Variants in SERGEF observed in about 807,000 individuals in gnomAD.
SERGEF encodes secretion regulating guanine nucleotide exchange factor, also known as secretion-regulating guanine nucleotide exchange factor.
In SERGEF, 51 loss-of-function variants were observed where a neutral mutation model predicts 50.0. The ratio of observed to expected loss-of-function variants is 1.02; its 90% CI spans 0.81 to 1.29. The LOEUF (loss-of-function observed/expected upper bound fraction) is 1.29. SERGEF is among the 50% of genes most tolerant of loss of function. The pLI is 0.00. For synonymous variants in SERGEF, 205 were observed against 212.4 expected (o/e 0.97, Z 0.30); for missense variants, 521 against 557.0 (o/e 0.94, Z 0.65).
intron 9 of SERGEF, among the ~76,000 whole-genome samples, chr11:17,922,251 C>T (rs921002366): frequency 2.6e-5 from 4 of 152,272 alleles, no homozygotes; most frequent in Middle Eastern, 3.4e-3. Context: ...AATTATTAAA[C>T]GAGCCCAAAT....
intron 8 of SERGEF, among the ~76,000 whole-genome samples, chr11:17,987,868 T>C (rs916458711): frequency 4.5e-4 from 68 of 152,168 alleles, no homozygotes; most frequent in African/African-American, 1.6e-3. Context: ...CAGAATACTT[T>C]GACATGATAA....
intron 9 of SERGEF, among the ~76,000 whole-genome samples, chr11:17,944,980 T>A (rs571244742): frequency 6.6e-6 from 1 of 152,360 alleles, no homozygotes; most frequent in Admixed American, 6.5e-5. Flanking sequence ...ATGCTTGCCA[T>A]ATCAGTGATA....
chr11:17,839,577 C>T (rs1266671957), intron 10 of SERGEF, among the ~76,000 whole-genome samples: 2 of 152,104 alleles, frequency 1.3e-5, no homozygotes, highest in African/African-American at 4.8e-5. Flanking sequence ...AAAAGGACAG[C>T]GTGTCCCAGC....
intron 9 of SERGEF, among the ~76,000 whole-genome samples, chr11:17,909,716 T>C (rs1851913189): frequency 6.6e-6 from 1 of 152,216 alleles, no homozygotes; most frequent in Non-Finnish European, 1.5e-5. Context: ...ATCCTGGATA[T>C]ATCTCTCAAA....
In SERGEF at chr11:18,012,975, G is replaced by C. The variant is rs1283995192; in HGVS notation, c.36C>G (p.Pro12=). The part of the protein sequence containing the change: ...EREPSASEAA[P]AAAALFAWGA... Reference sequence around the variant, plus strand: ...CCCAGGCGAAGAGCGCGGCCGCCGCGGGGGCGGCCTCCGAGGCGCTGGGCT... The same window carrying C: ...CCCAGGCGAAGAGCGCGGCCGCCGCCGGGGCGGCCTCCGAGGCGCTGGGCT... The change falls in exon 1 of 11, where the codon CCC becomes CCG. Residue 12 remains proline, a synonymous_variant. Coordinates refer to ENST00000265965, the MANE Select transcript of SERGEF (RefSeq NM_012139.4). The C allele has an allele frequency of 2.0e-6, 3 of 1,471,794 alleles. No homozygotes were observed. Among genetic ancestry groups the C allele is most frequent in the Non-Finnish European group, 8.9e-7 (1 of 1,121,040 alleles). The allele number at this position is 1,471,794 out of a possible 1,614,324, so 91.2% of individuals were successfully genotyped here.
chr11:17,792,585 C>T (rs1470281321), intron 10 of SERGEF, among the ~76,000 whole-genome samples: 5 of 152,196 alleles, frequency 3.3e-5, no homozygotes, highest in Non-Finnish European at 7.3e-5. Context: ...CCCACTGGGT[C>T]GAGAAGCCTG....
rs78685593 is a variant in SERGEF, at chr11:17,936,670, C to G, written c.1011+22800G>C. ...ACGTGGCTCCAGCCAAGGAAACCAA[C>G]AGGCATTTCACAGAGAGACTCACAG... On this transcript the variant is annotated intron_variant, in intron 9 of 10. Transcript: ENST00000265965. Among the ~76,000 whole-genome samples, 760 of 152,252 alleles carry G rather than the reference C, an allele frequency of 5.0e-3. 5 individuals are homozygous for G. Among genetic ancestry groups the G allele is most frequent in the African/African-American group, 0.018 (728 of 41,546 alleles).
At chr11:17,788,602 C>T in intron 10 of SERGEF, among the ~76,000 whole-genome samples, 189 bp from the exon 11 acceptor site, 1 of 152,156 alleles carries the variant, frequency 6.6e-6, no homozygotes, top group Non-Finnish European at 1.5e-5. Context: ...GCCCTCCTGC[C>T]CCTGAGGCAT....
chr11:17,980,292 C>T (rs1447262753), intron 8 of SERGEF, among the ~76,000 whole-genome samples: 2 of 152,118 alleles, frequency 1.3e-5, no homozygotes, highest in African/African-American at 2.4e-5. Context: ...GACTCATGAC[C>T]GAGCCAAAAA....
intron 10 of SERGEF, chr11:17,863,601 G>T (rs1346007302): frequency 6.6e-6 from 1 of 151,848 alleles, no homozygotes; most frequent in Non-Finnish European, 1.5e-5. Flanking sequence ...ATCATGGTCT[G>T]CTTTGTATTC....
intron 10 of SERGEF, among the ~76,000 whole-genome samples, chr11:17,788,894 C>T (rs1411234198): frequency 6.6e-6 from 1 of 152,200 alleles, no homozygotes; most frequent in East Asian, 1.9e-4. Context: ...AGACAATCTT[C>T]GACAACTGCA....
chr11:17,959,610 G>C lies in SERGEF; in HGVS notation c.871C>G (p.Arg291Gly). 1 of 1,612,664 alleles carries C rather than the reference G, an allele frequency of 6.2e-7. No individual in the cohort carries two copies. ...CTCCCTAGCTGACCATAGTCTGCTC[G>C]GCCCCAGGTAAACATCTTGCCAGTT... ...TETGKMFTWG[R>G]ADYGQLGRKL... Residue 291 changes from arginine to glycine, a missense_variant, in exon 9 of 11, where the codon CGA becomes GGA. Physicochemically the swap from Arg to Gly is moderately radical, Grantham distance 125. Transcript: ENST00000265965.
intron 8 of SERGEF, among the ~76,000 whole-genome samples, chr11:17,962,989 C>G (rs541927806): frequency 6.6e-6 from 1 of 152,020 alleles, no homozygotes; most frequent in East Asian, 1.9e-4. Flanking sequence ...TGAGACCAGC[C>G]TGACCAACAT....
chr11:17,912,027 G>GT (rs1190855310), intron 9 of SERGEF, among the ~76,000 whole-genome samples: 2 of 152,150 alleles, frequency 1.3e-5, no homozygotes, highest in Non-Finnish European at 2.9e-5. Context: ...GAGGGGCTTG[G>GT]TAAGTGGAGG....
chr11:18,012,923 GCAC>G (rs1854229750), intron 1 of SERGEF, 25 bp downstream of exon 1: 1 of 1,523,206 alleles, frequency 6.6e-7, no homozygotes, highest in Admixed American at 2.0e-5. Context: ...CTCAGGGCCT[GCAC>G]CGGCCCGGGG....
chr11:17,788,410 C>A lies in SERGEF; in HGVS notation c.1052G>T (p.Gly351Val), dbSNP rs1310123815. The stretch of plus-strand genomic sequence containing the variant: ...ATTCCAGCCCCAAGAGTAACACACT[C>A]CACCTGTGAAGGAGAGGGAAGACTG... Reference protein sequence around the residue: ...GSEHNLAIIGGVCYSWGWNEH... With the variant: ...GSEHNLAIIGVVCYSWGWNEH... The change falls in exon 11 of 11, where the codon GGA (glycine) becomes GTA (valine). Residue 351 changes from glycine to valine, a missense_variant. Physicochemically the swap from Gly to Val is moderately radical, Grantham distance 109. Coordinates refer to ENST00000265965, the MANE Select transcript of SERGEF (RefSeq NM_012139.4). 6.2e-7 allele frequency: 1 copy of A among 1,600,188 alleles called. No individual in the cohort carries two copies. The highest frequency in any genetic ancestry group is 8.5e-7 in the Non-Finnish European group (1 of 1,169,802).
chr11:17,862,989 C>T (rs1850953503), intron 10 of SERGEF, among the ~76,000 whole-genome samples: 1 of 152,200 alleles, frequency 6.6e-6, no homozygotes, highest in African/African-American at 2.4e-5. Flanking sequence ...ATTAAAAGTT[C>T]AGTTTATGCT....
intron 10 of SERGEF, among the ~76,000 whole-genome samples, chr11:17,864,693 GCTA>G (rs1387369038): frequency 6.6e-6 from 1 of 152,168 alleles, no homozygotes; most frequent in Non-Finnish European, 1.5e-5. Context: ...AACCAAGAGA[GCTA>G]AAAAACTGTT....
chr11:17,828,907 G>A (rs997015772), intron 10 of SERGEF, among the ~76,000 whole-genome samples: 25 of 152,118 alleles, frequency 1.6e-4, no homozygotes, highest in South Asian at 1.0e-3. Context: ...ATGGGAACAA[G>A]GCTTCCTGTG....
Sources: gnomAD v4.1 joint callset for allele counts (sites outside exome capture counted in the v4.1 genomes callset) on GRCh38, gnomAD v4.1.1 for gene constraint, MANE v1.5 for transcripts, NCBI Gene and HGNC (gene_info 2026-07-23, HGNC 2026-07-21) for gene names.